Variants in CSMD2 observed in about 807,000 individuals in gnomAD.
The protein encoded by CSMD2 is CUB and Sushi multiple domains 2.
A neutral mutation model predicts 398.5 loss-of-function variants in CSMD2; 130 were observed. The ratio of observed to expected loss-of-function variants is 0.33; its 90% CI spans 0.28 to 0.38. The LOEUF is 0.38. Among genes scored for constraint, CSMD2 ranks in the 10% least tolerant of loss-of-function variants. The pLI, the probability that CSMD2 is intolerant of heterozygous loss-of-function variation, is 1.00. For missense variants in CSMD2, 3,829 were observed against 4,764.9 expected, an observed-to-expected ratio of 0.80 and a Z score of 5.78; for synonymous variants, 1,828 against 1,908.5, an observed-to-expected ratio of 0.96 and a Z score of 1.10.
At chr1:33,991,991 T>C (rs1345863610) in intron 3 of CSMD2, among the ~76,000 whole-genome samples, 1 of 151,782 alleles carries the variant, frequency 6.6e-6, no homozygotes, top group Non-Finnish European at 1.5e-5. Flanking sequence ...AGGCACCGTG[T>C]TGCTAATCAG....
intron 5 of CSMD2, among the ~76,000 whole-genome samples, chr1:33,887,406 GA>G (rs1641675471): frequency 6.6e-6 from 1 of 152,170 alleles, no homozygotes; most frequent in Non-Finnish European, 1.5e-5. Context: ...TAATAACAGA[GA>G]AAATGCTAAT....
At chr1:33,896,108 A>G (rs1224843241) in intron 5 of CSMD2, among the ~76,000 whole-genome samples, 4 of 152,232 alleles carry the variant, frequency 2.6e-5, no homozygotes, top group African/African-American at 9.6e-5. Flanking sequence ...TAGGAATATG[A>G]GAGCACATAT....
intron 22 of CSMD2, among the ~76,000 whole-genome samples, chr1:33,706,376 C>T (rs1407977948): frequency 1.3e-5 from 2 of 152,270 alleles, no homozygotes; most frequent in African/African-American, 2.4e-5. Context: ...TCATTGCCTC[C>T]ATTCCATTTT....
At position 33,700,584 on chromosome 1, in the gene CSMD2, G is replaced by A; in HGVS notation, c.3666C>T (p.Ser1222=). 6.2e-7 allele frequency: 1 copy of A among 1,614,160 alleles called. No homozygotes were observed. Residue 1222 remains serine, a synonymous_variant, in exon 23 of 71, where the codon AGC becomes AGT. Coordinates refer to ENST00000373381, the MANE Select transcript of CSMD2 (RefSeq NM_001281956.2). Reference sequence around the variant, plus strand: ...CAGTGATGAAATCAAGCCACAGACTGCTGGATGTGCTGTTCAAAGTCACCC... The same window carrying A: ...CAGTGATGAAATCAAGCCACAGACTACTGGATGTGCTGTTCAAAGTCACCC... ...MMGVTLNSTS[S]SLWLDFITDA... is the part of the protein sequence containing the mutation.
rs1339200066 is a variant in CSMD2 at position 34,066,091 on chromosome 1, G to A, written c.404+22886C>T. Among the ~76,000 whole-genome samples the A allele has an allele frequency of 3.3e-5, 5 of 152,218 alleles. No individual in the cohort carries two copies. In the East Asian group the frequency reaches 7.7e-4, roughly 24 times the overall value. On this transcript the variant is annotated intron_variant, in intron 2 of 70. Coordinates refer to ENST00000373381, the MANE Select transcript of CSMD2 (RefSeq NM_001281956.2). ...CAGTTCAGTTGCTATTTGTAATATG[G>A]GGCTAATGATAATACATTCCCCATA...
At position 34,163,247 on chromosome 1, in the gene CSMD2, A is replaced by T. The variant is rs920500127; in HGVS notation, c.187+1664T>A. 8.5e-5 allele frequency among the ~76,000 whole-genome samples: 13 copies of T among 152,216 alleles called. No homozygotes were observed. Among genetic ancestry groups the T allele is most frequent in the African/African-American group, 3.1e-4 (13 of 41,460 alleles). ...GGTAGCAGCGATTCCCCCACCGCCC[A>T]TGTGGCAAGTCTGGGTGACCAGCAG... On this transcript the variant is annotated intron_variant, in intron 1 of 70. Coordinates refer to ENST00000373381, the MANE Select transcript of CSMD2 (RefSeq NM_001281956.2). This position sits in a 1 kb window ranked among gnomAD's most constrained non-coding sequence, Gnocchi z 5.4.
rs764894297 is a variant in CSMD2 at position 33,739,264 on chromosome 1, C to A, written c.2244G>T (p.Gln748His). Residue 748 changes from glutamine to histidine, a missense_variant, in exon 15 of 71, where the codon CAG (glutamine) becomes CAT (histidine). Physicochemically the swap from Gln to His is conservative, Grantham distance 24 (BLOSUM62 0). Around this residue, in one of 5 missense-constraint regions of CSMD2, gnomAD observed 2,001 missense variants for 2,567.1 expected, o/e 0.78. Transcript: ENST00000373381. ...VNGKRFGDSL[Q>H]LGSSISFLCD... is the part of the protein sequence containing the mutation. Reference sequence around the variant, plus strand: ...AGAGGAAGGAGATGGAGCTGCCCAGCTGGAGGCTGTCCCCAAACCGTTTGC... The same window carrying A: ...AGAGGAAGGAGATGGAGCTGCCCAGATGGAGGCTGTCCCCAAACCGTTTGC... The A allele has an allele frequency of 2.5e-6, 4 of 1,614,218 alleles. No individual in the cohort carries two copies. Among genetic ancestry groups the A allele is most frequent in the Non-Finnish European group, 3.4e-6 (4 of 1,180,040 alleles).
At chr1:33,863,114 G>A (rs2125119790) in intron 5 of CSMD2, 1 of 152,254 alleles carries the variant, frequency 6.6e-6, no homozygotes, top group East Asian at 1.9e-4. Context: ...TTATGTTAAT[G>A]AAACTCAGTT....
chr1:33,847,801 AC>A (rs1638382519), intron 5 of CSMD2, among the ~76,000 whole-genome samples: 2 of 152,132 alleles, frequency 1.3e-5, no homozygotes, highest in Non-Finnish European at 2.9e-5. Context: ...AGACTTAGTG[AC>A]CTTATCTAAA....
At chr1:33,782,963 T>C (rs570532588) in intron 12 of CSMD2, among the ~76,000 whole-genome samples, 1 of 151,562 alleles carries the variant, frequency 6.6e-6, no homozygotes, top group African/African-American at 2.4e-5. Context: ...TAGATGGGAG[T>C]GAGAGGACTA....
chr1:33,768,535 C>CGTGTGT (rs1557864391), intron 13 of CSMD2, among the ~76,000 whole-genome samples: 4 of 114,506 alleles, frequency 3.5e-5, no homozygotes, highest in South Asian at 3.8e-4. Flanking sequence ...TGTGTGCGTG[C>CGTGTGT]ATGTGTGTGT....
chr1:33,859,341 G>A (rs967007010), intron 5 of CSMD2, among the ~76,000 whole-genome samples: 1 of 152,088 alleles, frequency 6.6e-6, no homozygotes, highest in Non-Finnish European at 1.5e-5. Context: ...TCTTTCCCTT[G>A]TCTTCAATAT....
intron 25 of CSMD2, among the ~76,000 whole-genome samples, chr1:33,688,066 T>A (rs1645114308): frequency 3.3e-5 from 5 of 152,142 alleles, no homozygotes; most frequent in Non-Finnish European, 5.9e-5. Flanking sequence ...AGGTCATGTA[T>A]CAAAATTTAC....
intron 1 of CSMD2, among the ~76,000 whole-genome samples, chr1:34,151,679 T>C (rs1230454598): frequency 6.6e-6 from 1 of 152,074 alleles, no homozygotes; most frequent in Non-Finnish European, 1.5e-5. Context: ...CTGGACAAGG[T>C]AGAAGATAGC....
chr1:33,777,402 G>A (rs1446444831), intron 12 of CSMD2, among the ~76,000 whole-genome samples: 1 of 152,128 alleles, frequency 6.6e-6, no homozygotes, highest in Non-Finnish European at 1.5e-5. Context: ...TCCTGTCCTG[G>A]CCTAAGCCTT....
intron 29 of CSMD2, among the ~76,000 whole-genome samples, chr1:33,638,063 T>A (rs183923126): frequency 2.0e-5 from 3 of 152,262 alleles, no homozygotes; most frequent in Admixed American, 2.0e-4. Flanking sequence ...CCTTAAGTCG[T>A]TGCCCGCAGC....
intron 27 of CSMD2, among the ~76,000 whole-genome samples, chr1:33,654,621 C>G (rs1044138879): frequency 6.6e-6 from 1 of 152,156 alleles, no homozygotes; most frequent in Non-Finnish European, 1.5e-5. Flanking sequence ...CAGTCTAGAC[C>G]CTTGAGCTTA....
At chr1:33,783,473 C>A (rs1029013961) in intron 12 of CSMD2, among the ~76,000 whole-genome samples, 1 of 133,032 alleles carries the variant, frequency 7.5e-6, no homozygotes, top group Non-Finnish European at 1.7e-5. Context: ...CTCTCTCTCT[C>A]TCCTGTGTGT....
At chr1:34,037,316 G>A (rs958537740) in intron 2 of CSMD2, among the ~76,000 whole-genome samples, 4 of 151,920 alleles carry the variant, frequency 2.6e-5, no homozygotes, top group African/African-American at 7.3e-5. Context: ...CCCCACCGGC[G>A]GCACTGACTG....
Sources: gnomAD v4.1 joint callset for allele counts (sites outside exome capture counted in the v4.1 genomes callset) on GRCh38, gnomAD v4.1.1 for gene constraint, gnomAD v4.1.1 regional missense constraint, Gnocchi (gnomAD v3.1) non-coding constraint, MANE v1.5 for transcripts, NCBI Gene and HGNC (gene_info 2026-07-23, HGNC 2026-07-21) for gene names.